Variants in TOP6BL observed in about 807,000 individuals in gnomAD.
The protein encoded by TOP6BL is type 2 DNA topoisomerase 6 subunit B-like.
chr11:66,760,932 A>G, the TOP6BL span, among the ~76,000 whole-genome samples: 4 of 152,134 alleles, frequency 2.6e-5, no homozygotes, highest in South Asian at 6.2e-4. Flanking sequence ...TGTAAAATGC[A>G]AATCAATTAA....
At chr11:66,841,199 C>T in the TOP6BL span, among the ~76,000 whole-genome samples, 1 of 150,236 alleles carries the variant, frequency 6.7e-6, no homozygotes, top group Non-Finnish European at 1.5e-5. Flanking sequence ...TCACTGCAAC[C>T]TCCCTGCCTC....
chr11:66,820,248 A>G, the TOP6BL span, among the ~76,000 whole-genome samples: 5 of 152,236 alleles, frequency 3.3e-5, no homozygotes, highest in Middle Eastern at 3.4e-3. Flanking sequence ...AGCTTACCAT[A>G]TATTACGTTC....
chr11:66,768,720 A>G, the TOP6BL span, among the ~76,000 whole-genome samples: 6 of 140,672 alleles, frequency 4.3e-5, no homozygotes, highest in Non-Finnish European at 7.7e-5. Flanking sequence ...TCCTTGTTAC[A>G]TTTATCTAAT....
the TOP6BL span, among the ~76,000 whole-genome samples, chr11:66,829,248 T>C: frequency 6.7e-6 from 1 of 148,700 alleles, no homozygotes; most frequent in Non-Finnish European, 1.5e-5. Context: ...TAGCTGCATG[T>C]GGTGGCACAT....
chr11:66,840,795 C>T, the TOP6BL span, among the ~76,000 whole-genome samples: 1 of 152,138 alleles, frequency 6.6e-6, no homozygotes, highest in Non-Finnish European at 1.5e-5. Context: ...CTGGTTTTTC[C>T]CTCCCTGGGC....
the TOP6BL span, among the ~76,000 whole-genome samples, chr11:66,831,766 C>G: frequency 2.8e-4 from 42 of 151,916 alleles, no homozygotes; most frequent in Non-Finnish European, 3.1e-4. Context: ...GAGGCTGAGG[C>G]GAGTGGATCA....
At chr11:66,837,968 G>C in the TOP6BL span, among the ~76,000 whole-genome samples, 1 of 152,158 alleles carries the variant, frequency 6.6e-6, no homozygotes, top group Non-Finnish European at 1.5e-5. Context: ...CCTGGTGTAA[G>C]GCACTCTGCT....
chr11:66,826,210 A>G, the TOP6BL span, among the ~76,000 whole-genome samples: 22 of 152,172 alleles, frequency 1.4e-4, no homozygotes, highest in African/African-American at 5.1e-4. Flanking sequence ...TAAAATAATA[A>G]CTAATAAAAT....
At chr11:66,823,376 C>T in the TOP6BL span, among the ~76,000 whole-genome samples, 1 of 149,034 alleles carries the variant, frequency 6.7e-6, no homozygotes, top group Non-Finnish European at 1.5e-5. Context: ...TTTTTAGAAA[C>T]ATTACTTTAT....
chr11:66,843,226 G>C, the TOP6BL span: 1 of 1,609,972 alleles, frequency 6.2e-7, no homozygotes, highest in Admixed American at 1.7e-5. Flanking sequence ...TCCCAGCCCT[G>C]GGCCCTGAGC....
chr11:66,761,724 C>T, the TOP6BL span: 1 of 793,092 alleles, frequency 1.3e-6, no homozygotes, highest in South Asian at 1.4e-5. Context: ...TCATATAAGG[C>T]CCAGTCCAGG....
At chr11:66,820,915 A>C in the TOP6BL span, among the ~76,000 whole-genome samples, 1 of 152,004 alleles carries the variant, frequency 6.6e-6, no homozygotes. Context: ...TTGCTGGGAG[A>C]TTTTGTCTAA....
the TOP6BL span, chr11:66,801,161 T>G: frequency 6.5e-7 from 1 of 1,536,422 alleles, no homozygotes. Flanking sequence ...CGAGTACGAA[T>G]GTGGGTAGAA....
chr11:66,834,211 T>TTA, the TOP6BL span, among the ~76,000 whole-genome samples: 1 of 152,184 alleles, frequency 6.6e-6, no homozygotes. Flanking sequence ...TTACAGAACT[T>TTA]TCATAATTTG....
At chr11:66,811,958 GA>G in the TOP6BL span, among the ~76,000 whole-genome samples, 1 of 152,004 alleles carries the variant, frequency 6.6e-6, no homozygotes, top group East Asian at 1.9e-4. Flanking sequence ...AAAGGGTGGG[GA>G]GAGAGAGAAA....
At chr11:66,838,403 A>C in the TOP6BL span, 1 of 1,613,854 alleles carries the variant, frequency 6.2e-7, no homozygotes, top group South Asian at 1.1e-5. Flanking sequence ...AGCCCAGGGC[A>C]CTGAGGACGC....
At chr11:66,843,423 G>A in the TOP6BL span, 2 of 1,397,106 alleles carry the variant, frequency 1.4e-6, no homozygotes, top group Non-Finnish European at 1.8e-6. Flanking sequence ...CCCTGGGACT[G>A]CGTCACTGGT....
the TOP6BL span, among the ~76,000 whole-genome samples, chr11:66,806,276 T>A: frequency 6.6e-6 from 1 of 152,216 alleles, no homozygotes; most frequent in African/African-American, 2.4e-5. Flanking sequence ...AAAATGAGGA[T>A]GATACTTATC....
chr11:66,836,472 G>A, the TOP6BL span, among the ~76,000 whole-genome samples: 2 of 151,708 alleles, frequency 1.3e-5, no homozygotes, highest in Admixed American at 6.6e-5. Flanking sequence ...GCCTCCCAAA[G>A]TGTAGGGATT....
Sources: allele counts gnomAD v4.1 joint callset (sites outside exome capture counted in the v4.1 genomes callset), GRCh38; gene constraint gnomAD v4.1.1; transcripts MANE v1.5; gene names NCBI Gene and HGNC (gene_info 2026-07-23, HGNC 2026-07-21).